The following JMJD1C variants were observed in gnomAD, a reference collection of about 807,000 sequenced individuals.
JMJD1C encodes jumonji domain-containing protein 1C.
Under a neutral mutation model 245.3 loss-of-function variants are expected in JMJD1C, and 31 were observed. The observed-to-expected ratio is 0.13, with a 90% CI of 0.09 to 0.17. The LOEUF is 0.17. Among genes scored for constraint, JMJD1C ranks in the 10% least tolerant of loss-of-function variants. The pLI is 1.00. For missense variants in JMJD1C, 2,691 were observed against 3,000.2 expected (o/e 0.90, Z 2.41); for synonymous variants, 1,057 against 1,017.4 (o/e 1.04, Z -0.74).
At chr10:63,359,337 T>C (rs1945131212) in intron 2 of JMJD1C, among the ~76,000 whole-genome samples, 1 of 152,266 alleles carries the variant, frequency 6.6e-6, no homozygotes, top group African/African-American at 2.4e-5. Context: ...ATTATGTTCA[T>C]ACATTTGTTC....
chr10:63,222,434 AAGG>A, intron 3 of JMJD1C: 1 of 919,688 alleles, frequency 1.1e-6, no homozygotes, highest in Non-Finnish European at 1.8e-6. Flanking sequence ...TCTTTACTTA[AAGG>A]AGTTGCTAAA....
intron 3 of JMJD1C, among the ~76,000 whole-genome samples, chr10:63,254,618 G>A (rs1853587398): frequency 6.6e-6 from 1 of 152,104 alleles, no homozygotes; most frequent in Non-Finnish European, 1.5e-5. Flanking sequence ...TCAGCTCATT[G>A]CAGCCTTGAC....
Position 63,395,074 on chromosome 10 carries a change from G to A in JMJD1C, c.169-14592C>T, listed in dbSNP as rs141172518. ...AGATTTGAACATGTACTTCACTAAA[G>A]AAGACATACAGGCAGCAAGTAAGCA... On this transcript the variant is annotated intron_variant, in intron 1 of 25. Transcript: ENST00000399262. Among the ~76,000 whole-genome samples, 390 of 152,172 alleles carry A rather than the reference G, an allele frequency of 2.6e-3. 3 individuals carry two copies. The South Asian group carries it at 0.029, about 11-fold the overall frequency.
chr10:63,510,468 T>C (rs1954842370), intron 1 of JMJD1C, among the ~76,000 whole-genome samples: 1 of 152,264 alleles, frequency 6.6e-6, no homozygotes, highest in African/African-American at 2.4e-5. Context: ...GAACTATGTA[T>C]TATTTAGAAG....
chr10:63,257,667 C>T (rs1720605020), intron 3 of JMJD1C, among the ~76,000 whole-genome samples: 1 of 152,164 alleles, frequency 6.6e-6, no homozygotes, highest in African/African-American at 2.4e-5. Context: ...TAACTATCAG[C>T]AACAAGTAGA....
intron 2 of JMJD1C, among the ~76,000 whole-genome samples, chr10:63,363,014 CA>C (rs1237904364): frequency 6.6e-6 from 1 of 151,980 alleles, no homozygotes; most frequent in South Asian, 2.1e-4. Context: ...CTAATCATTT[CA>C]GGGGGGACGT....
chr10:63,302,121 A>G (rs1860166166), intron 2 of JMJD1C, among the ~76,000 whole-genome samples: 1 of 152,192 alleles, frequency 6.6e-6, no homozygotes, highest in Non-Finnish European at 1.5e-5. Flanking sequence ...GGCTCAAACA[A>G]TTCCTCCCAC....
In JMJD1C at chr10:63,380,502, AAATTC is replaced by A; in HGVS notation, c.169-25_169-21del. 6.3e-7 allele frequency: 1 copy of A among 1,589,274 alleles called. No individual in the cohort carries two copies. Among genetic ancestry groups the A allele is most frequent in the Non-Finnish European group, 8.6e-7 (1 of 1,167,058 alleles). On this transcript the variant is annotated intron_variant, in intron 1 of 25. Transcript: ENST00000399262. ...ATACACCTATGAAAACAAAAACACA[AAATTC>A]AATTAGCAAAATAGAAGAGTGGTAT...
chr10:63,501,621 C>A (rs1954564455), intron 1 of JMJD1C, among the ~76,000 whole-genome samples: 1 of 152,002 alleles, frequency 6.6e-6, no homozygotes, highest in Non-Finnish European at 1.5e-5. Context: ...ACTAAAAATA[C>A]AAAAATTAGC....
chr10:63,473,062 C>T (rs1238292828), intron 1 of JMJD1C, among the ~76,000 whole-genome samples: 1 of 152,074 alleles, frequency 6.6e-6, no homozygotes. Flanking sequence ...GGATTACGGG[C>T]GTAAGCCACT....
At position 63,209,605 on chromosome 10, in the gene JMJD1C, C is replaced by T. The variant is rs544323210; in HGVS notation, c.2695-370G>A. Among the ~76,000 whole-genome samples the T allele has an allele frequency of 2.6e-5, 4 of 152,168 alleles. No homozygotes were observed. The South Asian group carries it at 8.3e-4, about 32-fold the overall frequency. On this transcript the variant is annotated intron_variant, in intron 8 of 25. Transcript: ENST00000399262. Reference sequence around the variant, plus strand: ...CTAACAGTAAAAACAGAATATTATTCCTAAAACACATTTCATCAGAAATAG... The same window carrying T: ...CTAACAGTAAAAACAGAATATTATTTCTAAAACACATTTCATCAGAAATAG...
intron 2 of JMJD1C, among the ~76,000 whole-genome samples, chr10:63,267,076 C>A (rs753559826): frequency 6.6e-6 from 1 of 152,130 alleles, no homozygotes; most frequent in Non-Finnish European, 1.5e-5. Flanking sequence ...TGACAATGAT[C>A]AAATTTGAAT....
chr10:63,335,719 C>G (rs1942653973), intron 2 of JMJD1C, among the ~76,000 whole-genome samples: 1 of 151,976 alleles, frequency 6.6e-6, no homozygotes, highest in Non-Finnish European at 1.5e-5. Context: ...CCATGTTGGC[C>G]AGACTGTTCT....
chr10:63,314,728 A>G (rs753346886), intron 2 of JMJD1C, among the ~76,000 whole-genome samples: 29 of 151,058 alleles, frequency 1.9e-4, no homozygotes, highest in Non-Finnish European at 8.8e-5. Flanking sequence ...GCTCACTGCC[A>G]CCTCCACCAC....
intron 1 of JMJD1C, among the ~76,000 whole-genome samples, chr10:63,482,651 A>G (rs1480498559): frequency 3.3e-5 from 5 of 151,724 alleles, no homozygotes; most frequent in African/African-American, 9.7e-5. Flanking sequence ...AAAGAAAAAA[A>G]AGAGAGAGAG....
At chr10:63,410,282 T>C (rs1949406031) in intron 1 of JMJD1C, among the ~76,000 whole-genome samples, 1 of 152,214 alleles carries the variant, frequency 6.6e-6, no homozygotes, top group Non-Finnish European at 1.5e-5. Context: ...CAGGAAATAG[T>C]TGGTGAACTA....
chr10:63,207,158 G>T lies in JMJD1C; in HGVS notation c.4511C>A (p.Pro1504His). The change falls in exon 10 of 26, where the codon CCT becomes CAT. Residue 1504 changes from proline (P) to histidine (H), a missense_variant. Pro to His is a moderately conservative substitution (Grantham distance 77, BLOSUM62 -2). Around this residue, in one of 9 missense-constraint regions of JMJD1C, gnomAD observed 1,562 missense variants for 1,490.7 expected, o/e 1.05. Transcript: ENST00000399262. ...AAGTGTCTGATTTTTTATAGCATTA[G>T]GTTCAGTCTCACTGGCATTACTACT... ...YKSSNASETE[P>H]NAIKNQTLSA... The T allele has an allele frequency of 6.2e-7, 1 of 1,614,098 alleles. No individual in the cohort carries two copies. The highest frequency in any genetic ancestry group is 8.5e-7 in the Non-Finnish European group (1 of 1,179,986).
chr10:63,176,503 A>G, intron 23 of JMJD1C, 30 bp from the exon 24 acceptor site: 1 of 1,516,602 alleles, frequency 6.6e-7, no homozygotes, highest in Non-Finnish European at 9.1e-7. Flanking sequence ...AGACACTCCA[A>G]TTTAAGTAAG....
chr10:63,354,919 A>T (rs1234571511), intron 2 of JMJD1C, among the ~76,000 whole-genome samples: 3 of 150,074 alleles, frequency 2.0e-5, no homozygotes. Flanking sequence ...GCTACTTGGG[A>T]GGCTGAGGTG....
Sources: allele counts gnomAD v4.1 joint callset (sites outside exome capture counted in the v4.1 genomes callset), GRCh38; gene constraint gnomAD v4.1.1; regional missense constraint gnomAD v4.1.1; transcripts MANE v1.5; gene names NCBI Gene and HGNC (gene_info 2026-07-23, HGNC 2026-07-21).